Variants in LARP4 observed in about 807,000 individuals in gnomAD.
LARP4 encodes la-related protein 4.
Under a neutral mutation model 92.9 loss-of-function variants are expected in LARP4, and 29 were observed. That is an observed-to-expected ratio of 0.31 (90% CI 0.23 to 0.43). LARP4 has a LOEUF of 0.43. LARP4 is among the 20% of genes least tolerant of loss of function. The pLI is 1.00. For missense variants in LARP4, 732 were observed against 860.0 expected (o/e 0.85, Z 1.86); for synonymous variants, 279 against 284.1 (o/e 0.98, Z 0.18).
intron 1 of LARP4, among the ~76,000 whole-genome samples, chr12:50,421,998 C>A (rs1424392936): frequency 2.1e-5 from 3 of 145,370 alleles, no homozygotes; most frequent in African/African-American, 7.7e-5. Context: ...GAGATGGAGT[C>A]TTGCTTTGTC....
intron 10 of LARP4, chr12:50,454,968 T>C (rs954429981): frequency 2.6e-5 from 4 of 152,440 alleles, no homozygotes; most frequent in South Asian, 2.1e-4. Context: ...GGTGCACTTA[T>C]GTCTACTTTA....
intron 13 of LARP4, among the ~76,000 whole-genome samples, chr12:50,467,444 C>T (rs1192688946): frequency 6.6e-6 from 1 of 151,970 alleles, no homozygotes; most frequent in Non-Finnish European, 1.5e-5. Context: ...GCATGCGCAA[C>T]CATGCCCAGC....
rs1412750012 is a variant in LARP4, at chr12:50,473,482, A to C, written c.1613A>C (p.Gln538Pro). Residue 538 changes from glutamine to proline, a missense_variant, in exon 14 of 16, where the codon CAG becomes CCG. Transcript: ENST00000398473. ...GAGCAGACAGAATGCACTTCTGCCC[A>C]GCAACTCAATATGAGTACCAGTTCT... ...ADEQTECTSA[Q>P]QLNMSTSSPC... 1 of 1,613,472 alleles carries C rather than the reference A, an allele frequency of 6.2e-7. No individual in the cohort carries two copies. Among genetic ancestry groups the C allele is most frequent in the South Asian group, 1.1e-5 (1 of 91,074 alleles).
chr12:50,459,990 G>T (rs1955067154), intron 10 of LARP4, among the ~76,000 whole-genome samples: 1 of 151,700 alleles, frequency 6.6e-6, no homozygotes, highest in South Asian at 2.1e-4. Context: ...TACAAAATTA[G>T]CCGGGTGTGG....
chr12:50,423,563 C>T (rs1948215222), intron 1 of LARP4, among the ~76,000 whole-genome samples: 1 of 152,134 alleles, frequency 6.6e-6, no homozygotes, highest in Non-Finnish European at 1.5e-5. Context: ...ATTCTCCTGC[C>T]TCAGCCTCCA....
chr12:50,426,667 C>T (rs1948746131), intron 1 of LARP4, among the ~76,000 whole-genome samples: 1 of 135,690 alleles, frequency 7.4e-6, no homozygotes, highest in Admixed American at 7.7e-5. Context: ...AGGCATGGAA[C>T]AGGGCATTAT....
chr12:50,440,408 T>A (rs1314454827), intron 6 of LARP4, 31 bp from the exon 7 acceptor site: 1 of 1,492,396 alleles, frequency 6.7e-7, no homozygotes, highest in Non-Finnish European at 9.3e-7. Context: ...ATGTATTTTT[T>A]AGAGTTAACT....
chr12:50,474,085 C>G lies in LARP4; in HGVS notation c.1754C>G (p.Pro585Arg). 2 of 1,612,408 alleles carry G rather than the reference C, an allele frequency of 1.2e-6. No homozygotes were observed. Among genetic ancestry groups the G allele is most frequent in the South Asian group, 1.1e-5 (1 of 91,010 alleles). The change falls in exon 15 of 16, where the codon CCA becomes CGA. Residue 585 changes from proline (P) to arginine (R), a missense_variant. By Grantham distance (103) the Pro-to-Arg change is moderately radical (BLOSUM62 -2). Transcript: ENST00000398473. ...CAGACAACTATACCAGTTTCTCCTC[C>G]AAGTACTACAAAGCCATCGAGGGCA... ...LNQTTIPVSPPSTTKPSRAST... is the reference protein window; with the variant it reads ...LNQTTIPVSPRSTTKPSRAST...
At position 50,465,380 on chromosome 12, in the gene LARP4, A is replaced by AG. The variant is rs1956018978; in HGVS notation, c.1384-1579_1384-1578insG. Among the ~76,000 whole-genome samples, 7 of 150,916 alleles carry AG rather than the reference A, an allele frequency of 4.6e-5. 1 individual carries two copies. In the South Asian group the frequency reaches 1.1e-3, roughly 23 times the overall value. Reference sequence around the variant, plus strand: ...GAGCCAGACTCTGTCTCAAAAAAAAAAAAAAAAAAGAGAGATTAGATTTGG... The same window carrying AG: ...GAGCCAGACTCTGTCTCAAAAAAAAAGAAAAAAAAAGAGAGATTAGATTTGG... On this transcript the variant is annotated intron_variant, in intron 12 of 15. Transcript: ENST00000398473.
chr12:50,462,645 AC>A lies in LARP4; in HGVS notation c.1383+16del. ...ACAGGATCTCAGTAAGTTTTTTAAA[AC>A]TTTTATTCAGACTTTTTTCTCTTCT... On this transcript the variant is annotated intron_variant, in intron 12 of 15. Transcript: ENST00000398473. The A allele has an allele frequency of 6.4e-7, 1 of 1,555,066 alleles. No homozygotes were observed. The highest frequency in any genetic ancestry group is 8.8e-7 in the Non-Finnish European group (1 of 1,134,200).
At chr12:50,442,008 T>C (rs1270751455) in intron 8 of LARP4, among the ~76,000 whole-genome samples, 1 of 152,112 alleles carries the variant, frequency 6.6e-6, no homozygotes, top group Admixed American at 6.6e-5. Flanking sequence ...AGAGATTGCA[T>C]CACTGCACTC....
At chr12:50,460,597 T>G (rs1038492424) in intron 10 of LARP4, among the ~76,000 whole-genome samples, 4 of 152,128 alleles carry the variant, frequency 2.6e-5, no homozygotes, top group African/African-American at 7.2e-5. Context: ...GTGCTGAGAT[T>G]ACAGGCGTGA....
chr12:50,404,369 A>G (rs565960952), intron 1 of LARP4, among the ~76,000 whole-genome samples: 8 of 152,288 alleles, frequency 5.3e-5, no homozygotes, highest in Non-Finnish European at 8.8e-5. Context: ...AATCCTATGT[A>G]AATAATACTT....
Position 50,462,463 on chromosome 12 carries a change from C to T in LARP4, c.1335-119C>T, listed in dbSNP as rs193076623. On this transcript the variant is annotated intron_variant, in intron 11 of 15. Coordinates refer to ENST00000398473, the MANE Select transcript of LARP4 (RefSeq NM_052879.5). ...ACTGCACTCCAGCCTGGCGACAGAGCGAGACTCCATCTCAAAAAAAAAAAA... is the reference window on the plus strand; with the variant it reads ...ACTGCACTCCAGCCTGGCGACAGAGTGAGACTCCATCTCAAAAAAAAAAAA... 1.0e-3 allele frequency: 654 copies of T among 638,796 alleles called. 5 individuals are homozygous for T. In the East Asian group the frequency reaches 0.017, roughly 16 times the overall value. The allele number at this position is 638,796 out of a possible 1,614,324, so 39.6% of individuals were successfully genotyped here.
chr12:50,432,180 T>C (rs1949756609), intron 4 of LARP4, among the ~76,000 whole-genome samples: 1 of 152,228 alleles, frequency 6.6e-6, no homozygotes, highest in Admixed American at 6.5e-5. Flanking sequence ...TTCTCTTGAA[T>C]TATCTGTAAT....
chr12:50,435,379 G>T, intron 4 of LARP4, 109 bp from the exon 5 acceptor site: 1 of 694,486 alleles, frequency 1.4e-6, no homozygotes, highest in Non-Finnish European at 2.5e-6. Flanking sequence ...ATTTCTGATA[G>T]AATAATCTTA....
chr12:50,441,663 G>C lies in LARP4; in HGVS notation c.804+20G>C, dbSNP rs78254121. 1.3e-6 allele frequency: 2 copies of C among 1,562,840 alleles called. No individual in the cohort carries two copies. Among genetic ancestry groups the C allele is most frequent in the Non-Finnish European group, 1.7e-6 (2 of 1,145,754 alleles). On this transcript the variant is annotated intron_variant, in intron 8 of 15. Coordinates refer to ENST00000398473, the MANE Select transcript of LARP4 (RefSeq NM_052879.5). The stretch of plus-strand genomic sequence containing the variant: ...ATTATGGTAAGAAATAGAGATCAGT[G>C]TGAAACCAGAACAGGTTTTGGTTCT...
At chr12:50,431,783 T>C (rs1565589328) in intron 4 of LARP4, among the ~76,000 whole-genome samples, 1 of 152,004 alleles carries the variant, frequency 6.6e-6, no homozygotes. Context: ...GAGGTAGAGA[T>C]TGCAGTGAGC....
rs1592659860 is a variant in LARP4 at position 50,401,180 on chromosome 12, C to T, written c.18+152C>T. 82 of 805,402 alleles carry T rather than the reference C, an allele frequency of 1.0e-4. 1 individual carries two copies. The South Asian group carries it at 1.2e-3, about 11-fold the overall frequency. 49.9% of individuals were successfully genotyped at this position (805,402 alleles called of 1,614,324 possible). A position where few individuals can be genotyped will look rare whatever the true frequency, so the allele number is the denominator to read the frequency against. Reference sequence around the variant, plus strand: ...GCACCTGGGCCGAGCAGGCCTGCAGCTTCCCTCTGCGCGCTCACAACACTC... The same window carrying T: ...GCACCTGGGCCGAGCAGGCCTGCAGTTTCCCTCTGCGCGCTCACAACACTC... On this transcript the variant is annotated intron_variant, in intron 1 of 15. Coordinates refer to ENST00000398473, the MANE Select transcript of LARP4 (RefSeq NM_052879.5).
Sources: gnomAD v4.1 joint callset for allele counts (sites outside exome capture counted in the v4.1 genomes callset) on GRCh38, gnomAD v4.1.1 for gene constraint, MANE v1.5 for transcripts, NCBI Gene and HGNC (gene_info 2026-07-23, HGNC 2026-07-21) for gene names.